The following MARCHF4 variants were observed in gnomAD, a reference collection of about 807,000 sequenced individuals.
MARCHF4 encodes the protein membrane associated ring-CH-type finger 4, also known as E3 ubiquitin-protein ligase MARCHF4.
MARCHF4 carries 14 observed loss-of-function variants against 43.9 expected under a neutral mutation model. The observed-to-expected ratio is 0.32, with a 90% CI of 0.21 to 0.50. The LOEUF (loss-of-function observed/expected upper bound fraction) is 0.50. Among genes scored for constraint, MARCHF4 ranks in the 20% least tolerant of loss-of-function variants. MARCHF4 has a pLI of 0.98. For missense variants in MARCHF4, 468 were observed against 536.7 expected, an observed-to-expected ratio of 0.87 and a Z score of 1.27; for synonymous variants, 226 against 213.3, an observed-to-expected ratio of 1.06 and a Z score of -0.52.
rs1692754341 is a variant in MARCHF4, at chr2:216,371,216, T to C, written c.-956A>G. 6.6e-6 allele frequency: 1 copy of C among 152,594 alleles called. No homozygotes were observed. Among genetic ancestry groups the C allele is most frequent in the Non-Finnish European group, 1.5e-5 (1 of 68,340 alleles). 9.5% of individuals were successfully genotyped at this position (152,594 alleles called of 1,614,324 possible). On this transcript the variant is annotated 5_prime_UTR_variant, in exon 1 of 4. Transcript: ENST00000273067. ...GGTGAGAGGGCAGTGGAGCAGAGAA[T>C]AGGGGTAGAGGAGAGGGGCGTGTGG...
intron 1 of MARCHF4, among the ~76,000 whole-genome samples, chr2:216,328,909 G>C (rs990980930): frequency 6.6e-6 from 1 of 152,002 alleles, no homozygotes; most frequent in Non-Finnish European, 1.5e-5. Context: ...ATGGTGGTGG[G>C]TGCCTGTAAT....
chr2:216,293,126 G>T (rs10169335), intron 1 of MARCHF4, among the ~76,000 whole-genome samples: 13 of 152,138 alleles, frequency 8.5e-5, no homozygotes, highest in African/African-American at 2.9e-4. Flanking sequence ...TTCTCCTCAT[G>T]TGGTGTCTGA....
chr2:216,305,082 A>G (rs1314317369), intron 1 of MARCHF4, among the ~76,000 whole-genome samples: 1 of 151,052 alleles, frequency 6.6e-6, no homozygotes, highest in Non-Finnish European at 1.5e-5. Context: ...TCACAAGGGT[A>G]CCCACTGCAT....
At chr2:216,261,205 A>T (rs1420436209) in intron 3 of MARCHF4, among the ~76,000 whole-genome samples, 1 of 152,168 alleles carries the variant, frequency 6.6e-6, no homozygotes, top group Non-Finnish European at 1.5e-5. Context: ...AGAAGTCTAA[A>T]ATCAGTCCCA....
At chr2:216,335,721 G>A (rs935012931) in intron 1 of MARCHF4, among the ~76,000 whole-genome samples, 1 of 150,318 alleles carries the variant, frequency 6.7e-6, no homozygotes, top group African/African-American at 2.5e-5. Flanking sequence ...TGAGTGCCTT[G>A]AATATGACAG....
chr2:216,355,154 T>C (rs935498782), intron 1 of MARCHF4, among the ~76,000 whole-genome samples: 1 of 152,024 alleles, frequency 6.6e-6, no homozygotes, highest in African/African-American at 2.4e-5. Context: ...GTATTTTTAG[T>C]AGAGACGGGG....
intron 1 of MARCHF4, among the ~76,000 whole-genome samples, chr2:216,346,407 A>G (rs1692321277): frequency 6.6e-6 from 1 of 152,184 alleles, no homozygotes; most frequent in Admixed American, 6.5e-5. Context: ...CATTCAACAA[A>G]AATTCATTGA....
intron 1 of MARCHF4, among the ~76,000 whole-genome samples, chr2:216,356,770 C>T (rs1014465100): frequency 6.6e-6 from 1 of 152,024 alleles, no homozygotes; most frequent in Admixed American, 6.6e-5. Flanking sequence ...CTTCTGTAAT[C>T]CCAGCACTTT....
At chr2:216,327,944 T>A (rs1252333217) in intron 1 of MARCHF4, among the ~76,000 whole-genome samples, 2 of 146,798 alleles carry the variant, frequency 1.4e-5, no homozygotes, top group East Asian at 2.0e-4. Context: ...TATTTTTTTT[T>A]AATATTAGCT....
intron 1 of MARCHF4, 70 bp from the exon 2 acceptor site, chr2:216,283,799 G>A (rs1383592382): frequency 3.4e-6 from 5 of 1,459,874 alleles, no homozygotes; most frequent in Non-Finnish European, 3.7e-6. Flanking sequence ...ATGGGCGGGA[G>A]GGTGGCAGCT....
chr2:216,336,550 TTGTTCTGTC>T (rs1306613721), intron 1 of MARCHF4, among the ~76,000 whole-genome samples: 3 of 151,950 alleles, frequency 2.0e-5, no homozygotes, highest in Non-Finnish European at 2.9e-5. Context: ...TGGCTTTGGC[TTGTTCTGTC>T]TGTTCTGTCT....
At chr2:216,276,834 C>T (rs1691030695) in intron 3 of MARCHF4, among the ~76,000 whole-genome samples, 1 of 152,102 alleles carries the variant, frequency 6.6e-6, no homozygotes, top group Non-Finnish European at 1.5e-5. Flanking sequence ...TCAGAGTCAA[C>T]AGCCACAATC....
intron 1 of MARCHF4, among the ~76,000 whole-genome samples, chr2:216,332,233 A>G (rs573737349): frequency 7.9e-5 from 12 of 152,206 alleles, no homozygotes; most frequent in Admixed American, 7.2e-4. Flanking sequence ...TCTATTAAAA[A>G]TACAAAGAAT....
At chr2:216,305,799 G>C (rs534457638) in intron 1 of MARCHF4, among the ~76,000 whole-genome samples, 2 of 152,304 alleles carry the variant, frequency 1.3e-5, no homozygotes, top group Middle Eastern at 3.4e-3. Context: ...ATCAAGGGCT[G>C]ATTGTCCTTG....
chr2:216,277,562 C>G, intron 3 of MARCHF4, 110 bp downstream of exon 3: 1 of 1,184,020 alleles, frequency 8.4e-7, no homozygotes, highest in Non-Finnish European at 1.2e-6. Flanking sequence ...AGTTCTCAAG[C>G]CTGGGGCCAT....
chr2:216,347,735 AGG>A (rs1343562126), intron 1 of MARCHF4, among the ~76,000 whole-genome samples: 2 of 152,012 alleles, frequency 1.3e-5, no homozygotes, highest in African/African-American at 4.8e-5. Flanking sequence ...TCAAAAAAAA[AGG>A]GGAAAAAAAA....
chr2:216,295,456 C>T (rs535939829), intron 1 of MARCHF4, among the ~76,000 whole-genome samples: 13 of 152,244 alleles, frequency 8.5e-5, no homozygotes, highest in Non-Finnish European at 1.6e-4. Flanking sequence ...GATGGGGTCT[C>T]GCCATGTTGC....
At chr2:216,357,875 A>G (rs192252349) in intron 1 of MARCHF4, among the ~76,000 whole-genome samples, 2 of 152,226 alleles carry the variant, frequency 1.3e-5, no homozygotes, top group Admixed American at 1.3e-4. Flanking sequence ...ATTTAGCTAC[A>G]GGCAATGGTT....
At position 216,369,908 on chromosome 2, in the gene MARCHF4, T is replaced by C. The variant is rs778275334; in HGVS notation, c.353A>G (p.Asp118Gly). ...TGGCTCTGTGGCTGGGCCACCCCAGTCATCTTCCACAGAAGAAGGTGGCAA... is the reference window on the plus strand; with the variant it reads ...TGGCTCTGTGGCTGGGCCACCCCAGCCATCTTCCACAGAAGAAGGTGGCAA... ...PPLPPSSVED[D>G]WGGPATEPPA... is the part of the protein sequence containing the mutation. Residue 118 changes from aspartate (D) to glycine (G), a missense_variant, in exon 1 of 4, where the codon GAC becomes GGC. By Grantham distance (94) the Asp-to-Gly change is moderately conservative. This residue lies in a region of MARCHF4 where 190 missense variants were observed against 158.5 expected (regional missense o/e 1.20). Coordinates refer to ENST00000273067, the MANE Select transcript of MARCHF4 (RefSeq NM_020814.3). 6.2e-7 allele frequency: 1 copy of C among 1,613,016 alleles called. No individual in the cohort carries two copies. The highest frequency in any genetic ancestry group is 8.5e-7 in the Non-Finnish European group (1 of 1,179,614).
Sources: allele counts gnomAD v4.1 joint callset (sites outside exome capture counted in the v4.1 genomes callset), GRCh38; gene constraint gnomAD v4.1.1; regional missense constraint gnomAD v4.1.1; transcripts MANE v1.5; gene names NCBI Gene and HGNC (gene_info 2026-07-23, HGNC 2026-07-21).